Variants in NHSL1 observed in about 807,000 individuals in gnomAD.
The protein encoded by NHSL1 is NHS-like protein 1.
A neutral mutation model predicts 95.0 loss-of-function variants in NHSL1; 48 were observed. The observed-to-expected ratio is 0.51, with a 90% CI of 0.40 to 0.64. The LOEUF is 0.64. Ranked by LOEUF, NHSL1 falls within the 30% of genes least tolerant of loss-of-function variation. The probability of loss-of-function intolerance (pLI) is 0.00; values close to 1 mark genes in which losing one functional copy is unlikely to be tolerated. For synonymous variants in NHSL1, 783 were observed against 833.9 expected (o/e 0.94, Z 1.05); for missense variants, 1,971 against 2,077.7 (o/e 0.95, Z 1.00).
At chr6:138,437,443 C>A (rs59836817) in intron 5 of NHSL1, among the ~76,000 whole-genome samples, 17,522 of 41,258 alleles carry the variant, frequency 0.42, 4,172 homozygotes, top group East Asian at 0.65. Flanking sequence ...CACACACACA[C>A]ACAAAAAAAA....
intron 1 of NHSL1, among the ~76,000 whole-genome samples, chr6:138,543,222 T>C (rs1337662678): frequency 1.3e-5 from 2 of 152,234 alleles, no homozygotes; most frequent in Non-Finnish European, 2.9e-5. Context: ...ATGCCTTTGT[T>C]AGCCACAGAG....
At chr6:138,511,779 T>A (rs538338619) in intron 1 of NHSL1, among the ~76,000 whole-genome samples, 4 of 151,858 alleles carry the variant, frequency 2.6e-5, no homozygotes, top group Admixed American at 2.0e-4. Context: ...CTACAAAAAA[T>A]ACAAAAATTA....
At chr6:138,473,510 C>T (rs1778882139) in intron 2 of NHSL1, 77 bp from the exon 3 acceptor site, 3 of 1,293,746 alleles carry the variant, frequency 2.3e-6, no homozygotes, top group Non-Finnish European at 3.0e-6. Flanking sequence ...ACGTTTACTC[C>T]TCTTTTTTAC....
chr6:138,622,579 G>T (rs1784680562), intron 1 of NHSL1, among the ~76,000 whole-genome samples: 1 of 152,112 alleles, frequency 6.6e-6, no homozygotes, highest in Non-Finnish European at 1.5e-5. Context: ...ACAAAAGTGG[G>T]GGCAAGTATG....
chr6:138,622,867 C>G (rs926078329), intron 1 of NHSL1, among the ~76,000 whole-genome samples: 4 of 152,132 alleles, frequency 2.6e-5, no homozygotes, highest in Non-Finnish European at 4.4e-5. Flanking sequence ...GGGAGAGGCA[C>G]AGCACACACT....
chr6:138,587,437 G>C (rs1291567590), intron 1 of NHSL1, among the ~76,000 whole-genome samples: 1 of 148,766 alleles, frequency 6.7e-6, no homozygotes, highest in African/African-American at 2.5e-5. Context: ...CAAAAAATTA[G>C]CCAGGTATGA....
At chr6:138,655,305 T>C (rs1447077286) in intron 1 of NHSL1, among the ~76,000 whole-genome samples, 1 of 152,242 alleles carries the variant, frequency 6.6e-6, no homozygotes, top group Admixed American at 6.5e-5. Context: ...GCAGGACTTG[T>C]AGAAATGTTT....
intron 1 of NHSL1, among the ~76,000 whole-genome samples, chr6:138,647,602 CTTTT>C (rs368149578): frequency 3.7e-5 from 5 of 136,204 alleles, no homozygotes; most frequent in Non-Finnish European, 4.8e-5. Flanking sequence ...ATATTTCTCA[CTTTT>C]TTTTTTTTTT....
At chr6:138,645,022 G>A (rs540306022) in intron 1 of NHSL1, among the ~76,000 whole-genome samples, 1 of 152,202 alleles carries the variant, frequency 6.6e-6, no homozygotes, top group Non-Finnish European at 1.5e-5. Flanking sequence ...TGGAACAAGA[G>A]TCATCTGTCA....
chr6:138,455,263 A>G (rs1777506354), intron 3 of NHSL1, among the ~76,000 whole-genome samples: 1 of 152,230 alleles, frequency 6.6e-6, no homozygotes, highest in Non-Finnish European at 1.5e-5. Context: ...GCCCTAGGCC[A>G]AGAATGGGAT....
intron 3 of NHSL1, chr6:138,464,250 T>C: frequency 5.0e-6 from 4 of 807,072 alleles, no homozygotes; most frequent in Non-Finnish European, 8.1e-6. Flanking sequence ...GCCGGCACCG[T>C]CCTCCTCTCT....
chr6:138,624,212 C>T (rs1332175241), intron 1 of NHSL1, among the ~76,000 whole-genome samples: 1 of 152,152 alleles, frequency 6.6e-6, no homozygotes, highest in African/African-American at 2.4e-5. Flanking sequence ...CTTTAACATG[C>T]ACAGGATCAC....
chr6:138,525,711 G>A (rs530308611), intron 1 of NHSL1, among the ~76,000 whole-genome samples: 3 of 152,090 alleles, frequency 2.0e-5, no homozygotes, highest in Non-Finnish European at 1.5e-5. Flanking sequence ...ATACAATGAG[G>A]GTACATAGGG....
At position 138,429,791 on chromosome 6, in the gene NHSL1, G is replaced by A; in HGVS notation, c.4005C>T (p.Phe1335=). Residue 1335 remains phenylalanine, a synonymous_variant, in exon 7 of 8, where the codon TTC becomes TTT. Coordinates refer to ENST00000343505, the MANE Select transcript of NHSL1 (RefSeq NM_001144060.2). Reference sequence around the variant, plus strand: ...CCTCATCATTCCCGTCTTCCTTGAGGAAGTCACAGGCCTCTGAGGATGAAC... The same window carrying A: ...CCTCATCATTCCCGTCTTCCTTGAGAAAGTCACAGGCCTCTGAGGATGAAC... ...AAGSSSEACD[F]LKEDGNDEVM... 6.4e-7 allele frequency: 1 copy of A among 1,551,758 alleles called. No individual in the cohort carries two copies. Among genetic ancestry groups the A allele is most frequent in the East Asian group, 2.4e-5 (1 of 40,926 alleles).
chr6:138,682,909 C>G (rs929227921), intron 1 of NHSL1, among the ~76,000 whole-genome samples: 2 of 152,192 alleles, frequency 1.3e-5, no homozygotes, highest in Admixed American at 6.5e-5. Flanking sequence ...CCAAGATGCC[C>G]GAGGAAAGCC....
chr6:138,570,145 A>T (rs1783785544), intron 1 of NHSL1, among the ~76,000 whole-genome samples: 1 of 152,246 alleles, frequency 6.6e-6, no homozygotes, highest in Non-Finnish European at 1.5e-5. Context: ...AATTCAGATG[A>T]AGCATCTACA....
At chr6:138,574,672 CAAAAAAA>C (rs1193555851), upstream of NHSL1, among the ~76,000 whole-genome samples, 5 of 80,364 alleles carry the variant, frequency 6.2e-5, no homozygotes, top group Non-Finnish European at 9.7e-5. Context: ...ACAAATAATG[CAAAAAAA>C]AAAAAAAAGA....
At chr6:138,443,205 A>G (rs1004665703) in intron 4 of NHSL1, among the ~76,000 whole-genome samples, 1 of 152,212 alleles carries the variant, frequency 6.6e-6, no homozygotes, top group African/African-American at 2.4e-5. Context: ...GTAAGAAAAA[A>G]TTGGGAACCT....
chr6:138,537,783 T>A (rs1428120089), intron 1 of NHSL1, among the ~76,000 whole-genome samples: 1 of 152,180 alleles, frequency 6.6e-6, no homozygotes, highest in African/African-American at 2.4e-5. Flanking sequence ...TCTCTGGCTT[T>A]GCTTTGTTCC....
Sources: gnomAD v4.1 joint callset for allele counts (sites outside exome capture counted in the v4.1 genomes callset) on GRCh38, gnomAD v4.1.1 for gene constraint, MANE v1.5 for transcripts, NCBI Gene and HGNC (gene_info 2026-07-23, HGNC 2026-07-21) for gene names.